Variants in IQGAP2 observed in about 807,000 individuals in gnomAD.
IQGAP2 encodes the protein IQ motif containing GTPase activating protein 2, also known as ras GTPase-activating-like protein IQGAP2.
Under a neutral mutation model 201.3 loss-of-function variants are expected in IQGAP2, and 173 were observed. The observed-to-expected ratio is 0.86, with a 90% CI of 0.76 to 0.98. IQGAP2 has a LOEUF of 0.98. Among genes scored for constraint, IQGAP2 ranks in the 50% least tolerant of loss-of-function variants. IQGAP2 has a pLI of 0.00. For synonymous variants in IQGAP2, 675 were observed against 673.9 expected (o/e 1.00, Z -0.03); for missense variants, 1,687 against 1,864.8 (o/e 0.90, Z 1.76).
Position 76,658,543 on chromosome 5 carries a change from T to G in IQGAP2, c.2405T>G (p.Leu802Arg), listed in dbSNP as rs1357322773. ...DQSDLDFQEE[L>R]EVARLREEVV... ...AGTGATTTGGATTTCCAGGAGGAAC[T>G]AGAGGTTGCACGATTAAGGGAAGAA... Residue 802 changes from leucine to arginine, a missense_variant, in exon 21 of 36, where the codon CTA becomes CGA. Coordinates refer to ENST00000274364, the MANE Select transcript of IQGAP2 (RefSeq NM_006633.5). 2.5e-6 allele frequency: 4 copies of G among 1,613,928 alleles called. No individual in the cohort carries two copies. In the East Asian group the frequency reaches 6.7e-5, roughly 27 times the overall value.
rs1366268614 is a variant in IQGAP2 at position 76,403,515 on chromosome 5, CGCCCCGGGCGG to C, written c.-25_-15del. The C allele has an allele frequency of 3.4e-6, 5 of 1,456,896 alleles. No homozygotes were observed. The highest frequency in any genetic ancestry group is 3.0e-5 in the African/African-American group (2 of 67,074). The allele number at this position is 1,456,896 out of a possible 1,614,324, so 90.2% of individuals were successfully genotyped here. A position where few individuals can be genotyped will look rare whatever the true frequency, so the allele number is the denominator to read the frequency against. ...CCAGCGAGGGTAGCCGCGGGGGGCGCGCCCCGGGCGGGCCCCCGGAGACGCGCAGGATGCCA... is the reference window on the plus strand; with the variant it reads ...CCAGCGAGGGTAGCCGCGGGGGGCGCGCCCCCGGAGACGCGCAGGATGCCA... On this transcript the variant is annotated 5_prime_UTR_variant, in exon 1 of 36. Coordinates refer to ENST00000274364, the MANE Select transcript of IQGAP2 (RefSeq NM_006633.5). The surrounding 1 kb of genome is among the most constrained non-coding windows in gnomAD (Gnocchi z 4.8).
intron 10 of IQGAP2, 92 bp downstream of exon 10, chr5:76,597,694 G>A (rs1424012627): frequency 1.7e-5 from 23 of 1,321,068 alleles, no homozygotes; most frequent in Middle Eastern, 2.6e-4. Context: ...AATAGGGATC[G>A]GGGATCTCTA....
intron 1 of IQGAP2, among the ~76,000 whole-genome samples, chr5:76,451,423 A>C (rs1753736326): frequency 6.6e-6 from 1 of 151,088 alleles, no homozygotes; most frequent in African/African-American, 2.4e-5. Context: ...ATTCTCTTTC[A>C]CTCACCTCTT....
intron 20 of IQGAP2, 133 bp downstream of exon 20, chr5:76,655,136 T>G: frequency 1.6e-6 from 1 of 621,276 alleles, no homozygotes; most frequent in East Asian, 2.8e-5. Context: ...ATTTTGATCA[T>G]CTCAGGCCCC....
chr5:76,565,179 C>G (rs755384599), intron 3 of IQGAP2, among the ~76,000 whole-genome samples: 1 of 152,174 alleles, frequency 6.6e-6, no homozygotes, highest in Non-Finnish European at 1.5e-5. Flanking sequence ...TAGCCCTTTG[C>G]AAGGAGAGCT....
intron 17 of IQGAP2, among the ~76,000 whole-genome samples, chr5:76,645,346 TC>T (rs1239771521): frequency 6.6e-6 from 1 of 152,240 alleles, no homozygotes. Context: ...ATGATTTATA[TC>T]CTTTGGGTAC....
intron 1 of IQGAP2, among the ~76,000 whole-genome samples, chr5:76,432,642 G>A (rs544544241): frequency 6.6e-6 from 1 of 152,386 alleles, no homozygotes; most frequent in Non-Finnish European, 1.5e-5. Flanking sequence ...ACAAGAAGTA[G>A]TAAGAATAAC....
chr5:76,593,057 C>A, intron 9 of IQGAP2, 132 bp downstream of exon 9: 1 of 676,822 alleles, frequency 1.5e-6, no homozygotes, highest in Non-Finnish European at 2.6e-6. Context: ...TACTCAGTGT[C>A]AGTGTTGCTC....
intron 2 of IQGAP2, among the ~76,000 whole-genome samples, chr5:76,519,888 T>C (rs1337397570): frequency 1.3e-5 from 2 of 152,234 alleles, no homozygotes; most frequent in Non-Finnish European, 2.9e-5. Flanking sequence ...AAAATTCGGC[T>C]TTCTTATTGT....
At chr5:76,549,698 G>C (rs1026427661) in intron 2 of IQGAP2, among the ~76,000 whole-genome samples, 19 of 152,180 alleles carry the variant, frequency 1.2e-4, no homozygotes, top group African/African-American at 4.1e-4. Context: ...TTTGCAGATG[G>C]CCCTTTCACT....
intron 2 of IQGAP2, among the ~76,000 whole-genome samples, chr5:76,518,523 G>C (rs1758475738): frequency 1.3e-5 from 2 of 152,140 alleles, no homozygotes; most frequent in South Asian, 4.2e-4. Flanking sequence ...GGGAATTCAA[G>C]ATAAGATTTG....
At chr5:76,619,608 C>G (rs1427991643) in intron 13 of IQGAP2, among the ~76,000 whole-genome samples, 1 of 151,632 alleles carries the variant, frequency 6.6e-6, no homozygotes, top group Non-Finnish European at 1.5e-5. Context: ...CCTCCGCCTC[C>G]CGGGTTCACG....
intron 2 of IQGAP2, among the ~76,000 whole-genome samples, chr5:76,517,150 G>A (rs1459404005): frequency 2.6e-5 from 4 of 151,890 alleles, no homozygotes; most frequent in African/African-American, 4.8e-5. Flanking sequence ...TTTCCCCTGA[G>A]TCAGGTTAAC....
At chr5:76,452,264 T>C (rs1455829299) in intron 1 of IQGAP2, among the ~76,000 whole-genome samples, 1 of 151,412 alleles carries the variant, frequency 6.6e-6, no homozygotes, top group Non-Finnish European at 1.5e-5. Flanking sequence ...TATTATACTT[T>C]AAGTTCTAGG....
intron 2 of IQGAP2, among the ~76,000 whole-genome samples, chr5:76,507,843 T>A: frequency 6.6e-6 from 1 of 150,764 alleles, no homozygotes; most frequent in African/African-American, 2.5e-5. Context: ...AACCCATCTC[T>A]ACTAAAGATA....
In IQGAP2 at chr5:76,627,464, G is replaced by C; in HGVS notation, c.1576G>C (p.Asp526His). 6.3e-7 allele frequency: 1 copy of C among 1,599,796 alleles called. No individual in the cohort carries two copies. The highest frequency in any genetic ancestry group is 1.1e-5 in the South Asian group (1 of 90,686). ...GCTGGATGAGATACAGCAAGCCGTC[G>C]ATGATGCCAACGTGGACAAGGACAG... ...LWLDEIQQAV[D>H]DANVDKDRAK... The change falls in exon 14 of 36, where the codon GAT becomes CAT. Residue 526 changes from aspartate (D) to histidine (H), a missense_variant. By Grantham distance (81) the Asp-to-His change is moderately conservative. Coordinates refer to ENST00000274364, the MANE Select transcript of IQGAP2 (RefSeq NM_006633.5).
chr5:76,543,695 T>TTG (rs2150223218), intron 2 of IQGAP2, among the ~76,000 whole-genome samples: 1 of 152,338 alleles, frequency 6.6e-6, no homozygotes, highest in South Asian at 2.1e-4. Context: ...TAGTAGTCAG[T>TTG]TGTGAGTTTG....
intron 1 of IQGAP2, among the ~76,000 whole-genome samples, chr5:76,457,779 A>G (rs1754191350): frequency 6.6e-6 from 1 of 152,214 alleles, no homozygotes; most frequent in Non-Finnish European, 1.5e-5. Flanking sequence ...AATACTCTCT[A>G]ACAACTTGCT....
intron 1 of IQGAP2, among the ~76,000 whole-genome samples, chr5:76,454,776 A>C (rs1246735448): frequency 6.6e-6 from 1 of 152,080 alleles, no homozygotes; most frequent in African/African-American, 2.4e-5. Flanking sequence ...TCTTTATAGC[A>C]GCATGATTTA....
Sources: allele counts gnomAD v4.1 joint callset (sites outside exome capture counted in the v4.1 genomes callset), GRCh38; gene constraint gnomAD v4.1.1; non-coding constraint Gnocchi (gnomAD v3.1); transcripts MANE v1.5; gene names NCBI Gene and HGNC (gene_info 2026-07-23, HGNC 2026-07-21).